ZNF784: variants seen among roughly 807,000 people sequenced by gnomAD.
The protein encoded by ZNF784 is zinc finger protein 784.
ZNF784 carries 5 observed loss-of-function variants against 3.3 expected under a neutral mutation model. The ratio of observed to expected loss-of-function variants is 1.53; its 90% CI spans 0.80 to 3.22. The LOEUF is 3.22. Ranked by LOEUF, ZNF784 falls within the 30% of genes most tolerant of loss-of-function variation. ZNF784 has a pLI of 0.00. For missense variants in ZNF784, 501 were observed against 480.7 expected, an observed-to-expected ratio of 1.04 and a Z score of -0.39; for synonymous variants, 231 against 219.6, an observed-to-expected ratio of 1.05 and a Z score of -0.46.
chr19:55,621,662 G>T lies in ZNF784; in HGVS notation c.*89C>A. The T allele has an allele frequency of 1.4e-6, 2 of 1,478,500 alleles. No individual in the cohort carries two copies. The highest frequency in any genetic ancestry group is 9.1e-7 in the Non-Finnish European group (1 of 1,096,608). 91.6% of individuals were successfully genotyped at this position (1,478,500 alleles called of 1,614,324 possible). On this transcript the variant is annotated 3_prime_UTR_variant, in exon 2 of 2. Coordinates refer to ENST00000325351, the MANE Select transcript of ZNF784 (RefSeq NM_203374.2). The surrounding 1 kb of genome is among the most constrained non-coding windows in gnomAD (Gnocchi z 4.1). ...TCTCTCCCCCAATCTCCCCTCTTCT[G>T]TCCCCTGCCTCCGTTTCCCCACCCC...
In ZNF784 at chr19:55,621,944, G is replaced by A; in HGVS notation, c.779C>T (p.Thr260Ile). The A allele has an allele frequency of 6.3e-7, 1 of 1,596,320 alleles. No individual in the cohort carries two copies. Among genetic ancestry groups the A allele is most frequent in the Non-Finnish European group, 8.5e-7 (1 of 1,177,616 alleles). ...GCGGAAGTTGGAGGAGTTGTTGAAG[G>A]TGCGGTCGCAGAGCGTGCAGCGGAA... ...RPFRCTLCDRTFNNSSNFRKH... is the reference protein window; with the variant it reads ...RPFRCTLCDRIFNNSSNFRKH... The change falls in exon 2 of 2, where the codon ACC (threonine) becomes ATC (isoleucine). Residue 260 changes from threonine to isoleucine, a missense_variant. Physicochemically the swap from Thr to Ile is moderately conservative, Grantham distance 89. Coordinates refer to ENST00000325351, the MANE Select transcript of ZNF784 (RefSeq NM_203374.2). The surrounding 1 kb of genome is among the most constrained non-coding windows in gnomAD (Gnocchi z 4.1).
chr19:55,623,943 T>A (rs1170881460), intron 1 of ZNF784, among the ~76,000 whole-genome samples: 2 of 152,110 alleles, frequency 1.3e-5, no homozygotes, highest in African/African-American at 4.8e-5. Flanking sequence ...CTGAGTGGGG[T>A]AACGTGGAGG....
chr19:55,624,545 G>A lies in ZNF784; in HGVS notation c.17C>T (p.Pro6Leu). Residue 6 changes from proline (P) to leucine (L), a missense_variant, in exon 1 of 2, where the codon CCA (proline) becomes CTA (leucine). Transcript: ENST00000325351. ...CGGTGAGCTCCGACTCTGGGCCTCT[G>A]GGCGCGCAGCGGCCATCTTGTGCCC... MAAAR[P>L]EAQSRSSPTP... 1 of 1,596,330 alleles carries A rather than the reference G, an allele frequency of 6.3e-7. No individual in the cohort carries two copies. The highest frequency in any genetic ancestry group is 8.5e-7 in the Non-Finnish European group (1 of 1,172,644).
rs1053856842 is a variant in ZNF784, at chr19:55,620,918, C to G, written c.*833G>C. The G allele has an allele frequency of 6.5e-6, 1 of 152,726 alleles. No individual in the cohort carries two copies. The highest frequency in any genetic ancestry group is 2.4e-5 in the African/African-American group (1 of 41,456). The allele number at this position is 152,726 out of a possible 1,614,324, so 9.5% of individuals were successfully genotyped here. ...CGGGGACTAGGCAGTAAGCTGTTTG[C>G]TTCGAACTGGGAGTGGAGGAAATTA... On this transcript the variant is annotated 3_prime_UTR_variant, in exon 2 of 2. Coordinates refer to ENST00000325351, the MANE Select transcript of ZNF784 (RefSeq NM_203374.2).
chr19:55,624,127 C>T (rs1981659910), intron 1 of ZNF784, among the ~76,000 whole-genome samples: 1 of 152,168 alleles, frequency 6.6e-6, no homozygotes, highest in Admixed American at 6.5e-5. Flanking sequence ...TAGAATTAGC[C>T]CTAGAATTTA....
chr19:55,621,950 T>G lies in ZNF784; in HGVS notation c.773A>C (p.Asp258Ala). The G allele has an allele frequency of 6.3e-7, 1 of 1,596,000 alleles. No homozygotes were observed. The highest frequency in any genetic ancestry group is 8.5e-7 in the Non-Finnish European group (1 of 1,177,702). The change falls in exon 2 of 2, where the codon GAC (aspartate) becomes GCC (alanine). Residue 258 changes from aspartate to alanine, a missense_variant. Asp to Ala is a moderately radical substitution (Grantham distance 126, BLOSUM62 -2). Transcript: ENST00000325351. This position sits in a 1 kb window ranked among gnomAD's most constrained non-coding sequence, Gnocchi z 4.1. Reference sequence around the variant, plus strand: ...GTTGGAGGAGTTGTTGAAGGTGCGGTCGCAGAGCGTGCAGCGGAACGGGCG... The same window carrying G: ...GTTGGAGGAGTTGTTGAAGGTGCGGGCGCAGAGCGTGCAGCGGAACGGGCG... ...GERPFRCTLC[D>A]RTFNNSSNFR...
Position 55,622,488 on chromosome 19 carries a change from C to T in ZNF784, c.235G>A (p.Glu79Lys), listed in dbSNP as rs1274374623. The change falls in exon 2 of 2, where the codon GAG (glutamate) becomes AAG (lysine). Residue 79 changes from glutamate (E) to lysine (K), a missense_variant. By Grantham distance (56) the Glu-to-Lys change is moderately conservative. Coordinates refer to ENST00000325351, the MANE Select transcript of ZNF784 (RefSeq NM_203374.2). The surrounding 1 kb of genome is among the most constrained non-coding windows in gnomAD (Gnocchi z 5.9). ...LCPAAFRLVSELLFHEHGHLA... is the reference protein window; with the variant it reads ...LCPAAFRLVSKLLFHEHGHLA... Reference sequence around the variant, plus strand: ...TGGCCATGTTCGTGGAACAGCAGCTCGGAAACCAGCCGGAAGGCAGCAGGG... The same window carrying T: ...TGGCCATGTTCGTGGAACAGCAGCTTGGAAACCAGCCGGAAGGCAGCAGGG... The T allele has an allele frequency of 1.9e-5, 31 of 1,612,744 alleles. No individual in the cohort carries two copies. Among genetic ancestry groups the T allele is most frequent in the Non-Finnish European group, 2.6e-5 (31 of 1,179,846 alleles).
In ZNF784 at chr19:55,622,274, C is replaced by G; in HGVS notation, c.449G>C (p.Arg150Pro). Residue 150 changes from arginine (R) to proline (P), a missense_variant, in exon 2 of 2, where the codon CGG becomes CCG. Arg to Pro is a moderately radical substitution (Grantham distance 103). Transcript: ENST00000325351. The surrounding 1 kb of genome is among the most constrained non-coding windows in gnomAD (Gnocchi z 5.9). ...AGAGGTGCCCGGCTCCACCCCGTGC[C>G]GGTGCTGGTGCCGGAGCAGGGGCGC... ...ALAPLLRHQH[R>P]HGVEPGTSRR... 1 of 1,532,110 alleles carries G rather than the reference C, an allele frequency of 6.5e-7. No individual in the cohort carries two copies. Among genetic ancestry groups the G allele is most frequent in the Non-Finnish European group, 8.8e-7 (1 of 1,142,610 alleles). The allele number at this position is 1,532,110 out of a possible 1,614,324, so 94.9% of individuals were successfully genotyped here.
At position 55,622,800 on chromosome 19, in the gene ZNF784, C is replaced by G. The variant is rs1248472814; in HGVS notation, c.79-156G>C. Among the ~76,000 whole-genome samples, 1 of 152,144 alleles carries G rather than the reference C, an allele frequency of 6.6e-6. No individual in the cohort carries two copies. Among genetic ancestry groups the G allele is most frequent in the Non-Finnish European group, 1.5e-5 (1 of 68,028 alleles). On this transcript the variant is annotated intron_variant, in intron 1 of 1. Coordinates refer to ENST00000325351, the MANE Select transcript of ZNF784 (RefSeq NM_203374.2). The surrounding 1 kb of genome is among the most constrained non-coding windows in gnomAD (Gnocchi z 5.9). The stretch of plus-strand genomic sequence containing the variant: ...CGTGGCTCATTGCAACCTTGACCTC[C>G]TGGGCTCAAGCGATCCTCCCACTTC...
chr19:55,622,267 C>T lies in ZNF784; in HGVS notation c.456G>A (p.Gly152=), dbSNP rs772889105. Residue 152 remains glycine, a synonymous_variant, in exon 2 of 2, where the codon GGG becomes GGA. Coordinates refer to ENST00000325351, the MANE Select transcript of ZNF784 (RefSeq NM_203374.2). The surrounding 1 kb of genome is among the most constrained non-coding windows in gnomAD (Gnocchi z 5.9). ...APLLRHQHRH[G]VEPGTSRRPP... ...GCCTCCGAGAGGTGCCCGGCTCCAC[C>T]CCGTGCCGGTGCTGGTGCCGGAGCA... 3 of 1,534,584 alleles carry T rather than the reference C, an allele frequency of 2.0e-6. No individual in the cohort carries two copies. In the South Asian group the frequency reaches 3.6e-5, roughly 18 times the overall value.
chr19:55,624,344 CAAG>C (rs911707621), intron 1 of ZNF784, 137 bp downstream of exon 1: 1 of 531,760 alleles, frequency 1.9e-6, no homozygotes, highest in African/African-American at 2.1e-5. Context: ...CGCGAAACCA[CAAG>C]AAGCCCCACC....
chr19:55,624,476 G>T lies in ZNF784; in HGVS notation c.78+8C>A. On this transcript the variant is annotated splice_region_variant and intron_variant, in intron 1 of 1. Transcript: ENST00000325351. ...AGCCCCACGCCCAGGCCCCTTCCTT[G>T]CCCGCACCAGGTCCAGTGGCTCCTG... is the stretch of plus-strand genomic sequence containing the variant. 2.5e-6 allele frequency: 4 copies of T among 1,597,356 alleles called. No homozygotes were observed. Among genetic ancestry groups the T allele is most frequent in the Non-Finnish European group, 3.4e-6 (4 of 1,173,472 alleles).
rs770019580 is a variant in ZNF784, at chr19:55,621,754, C to G, written c.969G>C (p.Gln323His). The change falls in exon 2 of 2, where the codon CAG (glutamine) becomes CAC (histidine). Residue 323 changes from glutamine to histidine, a missense_variant. By Grantham distance (24) the Gln-to-His change is conservative. Coordinates refer to ENST00000325351, the MANE Select transcript of ZNF784 (RefSeq NM_203374.2). The surrounding 1 kb of genome is among the most constrained non-coding windows in gnomAD (Gnocchi z 4.1). ...ACCCATGTCCCTGGTCTGCAGCCTA[C>G]TGGTCGGCCTCCACCTTCACCTTCG... ...ETAKVKVEAD[Q>H] The G allele has an allele frequency of 6.3e-7, 1 of 1,597,356 alleles. No individual in the cohort carries two copies. Among genetic ancestry groups the G allele is most frequent in the Non-Finnish European group, 8.5e-7 (1 of 1,179,708 alleles).
chr19:55,623,193 A>G (rs538155828), intron 1 of ZNF784, among the ~76,000 whole-genome samples: 2 of 152,240 alleles, frequency 1.3e-5, no homozygotes, highest in East Asian at 3.9e-4. Context: ...AAAACAAACA[A>G]AAATTATTAT....
At position 55,621,854 on chromosome 19, in the gene ZNF784, C is replaced by G. The variant is rs369499131; in HGVS notation, c.869G>C (p.Gly290Ala). ...PGLGDSGGQL[G>A]SSAAEGSGSG... ...CCCCGACCCCTCAGCCGCCGACGAG[C>G]CCAGCTGGCCTCCAGAGTCTCCCAG... is the stretch of plus-strand genomic sequence containing the variant. The change falls in exon 2 of 2, where the codon GGC becomes GCC. Residue 290 changes from glycine to alanine, a missense_variant. Physicochemically the swap from Gly to Ala is moderately conservative, Grantham distance 60. Transcript: ENST00000325351. This position sits in a 1 kb window ranked among gnomAD's most constrained non-coding sequence, Gnocchi z 4.1. 237 of 1,584,666 alleles carry G rather than the reference C, an allele frequency of 1.5e-4. No homozygotes were observed. The highest frequency in any genetic ancestry group is 8.5e-4 in the Admixed American group (49 of 57,580).
chr19:55,622,035 C>T lies in ZNF784; in HGVS notation c.688G>A (p.Gly230Ser), dbSNP rs1232861320. 1.3e-6 allele frequency: 2 copies of T among 1,592,258 alleles called. No individual in the cohort carries two copies. Among genetic ancestry groups the T allele is most frequent in the Non-Finnish European group, 1.7e-6 (2 of 1,177,246 alleles). ...GERPYHCGIC[G>S]KGFTQSSVLS... ...ACCGAGGACTGGGTGAAGCCCTTGCCGCAGATGCCGCAATGGTATGGCCGC... is the reference window on the plus strand; with the variant it reads ...ACCGAGGACTGGGTGAAGCCCTTGCTGCAGATGCCGCAATGGTATGGCCGC... Residue 230 changes from glycine to serine, a missense_variant, in exon 2 of 2, where the codon GGC becomes AGC. Physicochemically the swap from Gly to Ser is moderately conservative, Grantham distance 56 (BLOSUM62 0). Transcript: ENST00000325351. This position sits in a 1 kb window ranked among gnomAD's most constrained non-coding sequence, Gnocchi z 5.9.
chr19:55,624,021 C>T (rs960033620), intron 1 of ZNF784, among the ~76,000 whole-genome samples: 1 of 152,130 alleles, frequency 6.6e-6, no homozygotes, highest in Non-Finnish European at 1.5e-5. Flanking sequence ...CGAGAAGCAT[C>T]ACTAAGACCC....
Position 55,622,671 on chromosome 19 carries a change from C to A in ZNF784, c.79-27G>T. On this transcript the variant is annotated intron_variant, in intron 1 of 1. Coordinates refer to ENST00000325351, the MANE Select transcript of ZNF784 (RefSeq NM_203374.2). The surrounding 1 kb of genome is among the most constrained non-coding windows in gnomAD (Gnocchi z 5.9). ...TGGGCAAGAGGAGAAGAAAGAGGAG[C>A]CTGTGGAACCTGCCTCAGGACCGCC... is the stretch of plus-strand genomic sequence containing the variant. 6.7e-7 allele frequency: 1 copy of A among 1,499,512 alleles called. No individual in the cohort carries two copies. The allele number at this position is 1,499,512 out of a possible 1,614,324, so 92.9% of individuals were successfully genotyped here.
In ZNF784 at chr19:55,620,921, C is replaced by T. The variant is rs143812338; in HGVS notation, c.*830G>A. 1.4e-3 allele frequency: 218 copies of T among 152,762 alleles called. 1 individual carries two copies. Among genetic ancestry groups the T allele is most frequent in the East Asian group, 0.012 (60 of 5,186 alleles). The allele number at this position is 152,762 out of a possible 1,614,324, so 9.5% of individuals were successfully genotyped here. On this transcript the variant is annotated 3_prime_UTR_variant, in exon 2 of 2. Coordinates refer to ENST00000325351, the MANE Select transcript of ZNF784 (RefSeq NM_203374.2). ...GGACTAGGCAGTAAGCTGTTTGCTT[C>T]GAACTGGGAGTGGAGGAAATTAGAG...
Sources: allele counts gnomAD v4.1 joint callset (sites outside exome capture counted in the v4.1 genomes callset), GRCh38; gene constraint gnomAD v4.1.1; non-coding constraint Gnocchi (gnomAD v3.1); transcripts MANE v1.5; gene names NCBI Gene and HGNC (gene_info 2026-07-23, HGNC 2026-07-21).